Variants in GRIK1 observed in about 807,000 individuals in gnomAD.
GRIK1 encodes the protein glutamate ionotropic receptor kainate type subunit 1, also known as glutamate receptor ionotropic, kainate 1.
GRIK1 carries 69 observed loss-of-function variants against 105.7 expected under a neutral mutation model. The observed-to-expected ratio is 0.65, with a 90% CI of 0.54 to 0.80. GRIK1 has a LOEUF of 0.80. GRIK1 is among the 30% of genes least tolerant of loss of function. The pLI, the probability that GRIK1 is intolerant of heterozygous loss-of-function variation, is 0.00. For missense variants in GRIK1, 1,109 were observed against 1,167.3 expected, an observed-to-expected ratio of 0.95 and a Z score of 0.73; for synonymous variants, 438 against 431.3, an observed-to-expected ratio of 1.02 and a Z score of -0.19.
intron 1 of GRIK1, among the ~76,000 whole-genome samples, chr21:29,712,079 T>TACACACACACACAC (rs1340092106): frequency 2.0e-4 from 6 of 30,350 alleles, no homozygotes; most frequent in Admixed American, 7.8e-4. Flanking sequence ...TATGTATACA[T>TACACACACACACAC]ACATACACAC....
intron 7 of GRIK1, among the ~76,000 whole-genome samples, chr21:29,604,823 TAATC>T (rs1052916107): frequency 8.5e-5 from 13 of 152,278 alleles, no homozygotes; most frequent in Middle Eastern, 6.8e-3. Context: ...CATTATCTGA[TAATC>T]AAGAGACAGG....
At chr21:29,563,381 T>G (rs1019408157) in intron 14 of GRIK1, among the ~76,000 whole-genome samples, 35 of 152,302 alleles carry the variant, frequency 2.3e-4, no homozygotes, top group African/African-American at 7.9e-4. Context: ...TGTTAGGCAT[T>G]GAAAATCCCC....
intron 1 of GRIK1, among the ~76,000 whole-genome samples, chr21:29,801,037 C>T (rs2066693118): frequency 6.6e-6 from 1 of 152,068 alleles, no homozygotes; most frequent in Non-Finnish European, 1.5e-5. Context: ...GATCATTTAA[C>T]TTTTAATGCT....
intron 1 of GRIK1, among the ~76,000 whole-genome samples, chr21:29,706,969 A>G (rs2063922048): frequency 6.6e-6 from 1 of 152,014 alleles, no homozygotes; most frequent in African/African-American, 2.4e-5. Context: ...GGTTCACGCC[A>G]TTCTCCTGCC....
intron 10 of GRIK1, among the ~76,000 whole-genome samples, chr21:29,589,985 G>A (rs958860324): frequency 6.6e-6 from 1 of 151,956 alleles, no homozygotes; most frequent in Non-Finnish European, 1.5e-5. Context: ...GTCATTCTCT[G>A]CTTATATACG....
intron 1 of GRIK1, among the ~76,000 whole-genome samples, chr21:29,857,656 T>A (rs779431386): frequency 3.9e-5 from 6 of 152,182 alleles, no homozygotes; most frequent in Non-Finnish European, 8.8e-5. Context: ...ACCCTTTACA[T>A]GGAAAACTTA....
intron 1 of GRIK1, among the ~76,000 whole-genome samples, chr21:29,724,807 C>T (rs1378791888): frequency 6.6e-6 from 1 of 152,120 alleles, no homozygotes; most frequent in Non-Finnish European, 1.5e-5. Context: ...TTCTCACATC[C>T]TTGCTTTGTG....
chr21:29,801,069 T>A (rs148113044), intron 1 of GRIK1, among the ~76,000 whole-genome samples: 3 of 152,122 alleles, frequency 2.0e-5, no homozygotes, highest in African/African-American at 7.2e-5. Context: ...AGTGAAGAAA[T>A]CAAGACAGAC....
chr21:29,696,539 C>A, intron 1 of GRIK1, among the ~76,000 whole-genome samples: 1 of 152,224 alleles, frequency 6.6e-6, no homozygotes, highest in East Asian at 1.9e-4. Flanking sequence ...GACACTTGGT[C>A]ACCAGAAGGT....
chr21:29,921,491 A>G (rs1268445276), intron 1 of GRIK1, among the ~76,000 whole-genome samples: 1 of 152,204 alleles, frequency 6.6e-6, no homozygotes, highest in Non-Finnish European at 1.5e-5. Context: ...GTTTTCATAA[A>G]TCAAATAAAC....
chr21:29,689,613 T>C, intron 3 of GRIK1, 115 bp downstream of exon 3: 1 of 841,978 alleles, frequency 1.2e-6, no homozygotes, highest in South Asian at 1.6e-5. Flanking sequence ...TCAGTTAGCT[T>C]TATATAAAAG....
chr21:29,914,780 A>G (rs74769744), intron 1 of GRIK1, among the ~76,000 whole-genome samples: 1,794 of 152,100 alleles, frequency 0.012, 26 homozygotes, highest in African/African-American at 0.04. Flanking sequence ...TCCCCATTGT[A>G]GGAAACCCTG....
In GRIK1 at chr21:29,562,663, A is replaced by AG. The variant is rs200356343; in HGVS notation, c.2131-815_2131-814insC. On this transcript the variant is annotated intron_variant, in intron 14 of 17. Coordinates refer to ENST00000327783, the MANE Select transcript of GRIK1 (RefSeq NM_001330994.2). ...ACAGCGAGACTCTGTCTCAAAAAAA[A>AG]AAAGAAGAAAAATCTTCATACTGTA... Among the ~76,000 whole-genome samples, 1,305 of 152,212 alleles carry AG rather than the reference A, an allele frequency of 8.6e-3. 21 individuals carry two copies. The highest frequency in any genetic ancestry group is 0.029 in the African/African-American group (1,223 of 41,558).
At chr21:29,800,595 G>A (rs1051756357) in intron 1 of GRIK1, among the ~76,000 whole-genome samples, 1 of 152,160 alleles carries the variant, frequency 6.6e-6, no homozygotes, top group African/African-American at 2.4e-5. Context: ...TGGAATTTCT[G>A]TTGGCTCAAT....
intron 1 of GRIK1, among the ~76,000 whole-genome samples, chr21:29,819,496 A>T (rs1385649727): frequency 6.6e-6 from 1 of 151,856 alleles, no homozygotes; most frequent in East Asian, 1.9e-4. Context: ...TGTGTGTGTG[A>T]GAGAGAAAGA....
At chr21:29,694,541 T>G (rs775098143) in intron 1 of GRIK1, among the ~76,000 whole-genome samples, 3 of 152,210 alleles carry the variant, frequency 2.0e-5, no homozygotes, top group Non-Finnish European at 2.9e-5. Flanking sequence ...CACATGCAGA[T>G]AAATAGGACT....
At chr21:29,803,696 A>G (rs2066775819) in intron 1 of GRIK1, among the ~76,000 whole-genome samples, 1 of 152,148 alleles carries the variant, frequency 6.6e-6, no homozygotes, top group Non-Finnish European at 1.5e-5. Flanking sequence ...GTGCAAATCC[A>G]CAATTGGCTT....
chr21:29,646,450 G>T (rs743321), intron 6 of GRIK1, among the ~76,000 whole-genome samples: 16,110 of 152,218 alleles, frequency 0.11, 915 homozygotes, highest in African/African-American at 0.14. Context: ...TCTATCGTCT[G>T]TTGCTATAAA....
chr21:29,546,819 T>G (rs2090058405), intron 16 of GRIK1, among the ~76,000 whole-genome samples: 1 of 152,250 alleles, frequency 6.6e-6, no homozygotes. Context: ...AAGGACTACT[T>G]AACATCTCAA....
Sources: allele counts gnomAD v4.1 joint callset (sites outside exome capture counted in the v4.1 genomes callset), GRCh38; gene constraint gnomAD v4.1.1; transcripts MANE v1.5; gene names NCBI Gene and HGNC (gene_info 2026-07-23, HGNC 2026-07-21).